The following PCDHA5 variants were observed in gnomAD, a reference collection of about 807,000 sequenced individuals.
PCDHA5 encodes protocadherin alpha 5.
Under a neutral mutation model 61.6 loss-of-function variants are expected in PCDHA5, and 43 were observed. The ratio of observed to expected loss-of-function variants is 0.70; its 90% CI spans 0.55 to 0.90. PCDHA5 has a LOEUF of 0.90. Ranked by LOEUF, PCDHA5 falls within the 40% of genes least tolerant of loss-of-function variation. PCDHA5 has a pLI of 0.00. For missense variants in PCDHA5, 1,298 were observed against 1,222.7 expected (o/e 1.06, Z -0.92); for synonymous variants, 627 against 543.9 (o/e 1.15, Z -2.13).
intron 1 of PCDHA5, among the ~76,000 whole-genome samples, chr5:140,904,227 C>T (rs1373458999): frequency 5.9e-5 from 9 of 151,978 alleles, no homozygotes; most frequent in African/African-American, 2.2e-4. Context: ...TTGTATTATA[C>T]TTATGCCTTT....
At chr5:140,934,511 T>C (rs999288213) in intron 1 of PCDHA5, among the ~76,000 whole-genome samples, 1 of 152,210 alleles carries the variant, frequency 6.6e-6, no homozygotes, top group East Asian at 1.9e-4. Context: ...AAAGGGTCCA[T>C]AGACCACACT....
rs2150339542 is a variant in PCDHA5 at position 140,842,572 on chromosome 5, A to T, written c.2352+18445A>T. 7.8e-6 allele frequency: 12 copies of T among 1,538,104 alleles called. 2 individuals carry two copies. In the South Asian group the frequency reaches 8.0e-5, roughly 10 times the overall value. On this transcript the variant is annotated intron_variant, in intron 1 of 3. Transcript: ENST00000529859. Reference sequence around the variant, plus strand: ...TGGACAGCGCCCTGGACCGCGAGAGAGTGTCGGCCTATGAGTTGGTGGTAA... The same window carrying T: ...TGGACAGCGCCCTGGACCGCGAGAGTGTGTCGGCCTATGAGTTGGTGGTAA...
chr5:141,005,255 CACTGGTGATACATTGGTGAAT>C (rs1319250318), intron 3 of PCDHA5, among the ~76,000 whole-genome samples: 1 of 152,182 alleles, frequency 6.6e-6, no homozygotes, highest in African/African-American at 2.4e-5. Context: ...TTGTGCTAGG[CACTGGTGATACATTGGTGAAT>C]AAACAGATAC....
intron 1 of PCDHA5, among the ~76,000 whole-genome samples, chr5:140,975,638 C>T (rs1256768090): frequency 6.6e-6 from 1 of 152,130 alleles, no homozygotes; most frequent in Non-Finnish European, 1.5e-5. Context: ...ACGAAGATAG[C>T]ATATTATTTC....
intron 1 of PCDHA5, chr5:140,871,625 ATGTC>A (rs1304722830): frequency 2.1e-6 from 3 of 1,403,018 alleles, no homozygotes; most frequent in Non-Finnish European, 2.8e-6. Context: ...TTAGATAACA[ATGTC>A]TGTTCATAAA....
intron 1 of PCDHA5, among the ~76,000 whole-genome samples, chr5:140,840,016 A>G (rs1410068719): frequency 2.6e-5 from 4 of 152,124 alleles, no homozygotes; most frequent in African/African-American, 7.2e-5. Context: ...AGATTGGCTC[A>G]TGGTCACGTA....
At chr5:140,827,941 C>T in intron 1 of PCDHA5, 1 of 1,174,956 alleles carries the variant, frequency 8.5e-7, no homozygotes, top group Admixed American at 2.3e-5. Flanking sequence ...TATAGCTAGC[C>T]AACATTCAAA....
chr5:140,935,957 A>G (rs1427987096), intron 1 of PCDHA5, among the ~76,000 whole-genome samples: 5 of 150,604 alleles, frequency 3.3e-5, no homozygotes, highest in African/African-American at 1.2e-4. Context: ...AAGTGGTACA[A>G]TCTTGGCTCA....
intron 1 of PCDHA5, chr5:140,876,047 C>T (rs1305657261): frequency 5.0e-6 from 8 of 1,613,744 alleles, no homozygotes; most frequent in Non-Finnish European, 6.8e-6. Context: ...AGTATATTGC[C>T]TGAATTAGTT....
chr5:140,839,283 C>A (rs1309701563), intron 1 of PCDHA5, among the ~76,000 whole-genome samples: 1 of 151,960 alleles, frequency 6.6e-6, no homozygotes, highest in Non-Finnish European at 1.5e-5. Context: ...ACCTTCCTAG[C>A]ATATTATTAA....
intron 1 of PCDHA5, among the ~76,000 whole-genome samples, chr5:140,839,736 C>T (rs1046330688): frequency 6.6e-6 from 1 of 151,778 alleles, no homozygotes; most frequent in African/African-American, 2.4e-5. Context: ...CAGAAAATAC[C>T]CTTATTTGCC....
chr5:140,942,023 A>G (rs1391051051), intron 1 of PCDHA5, among the ~76,000 whole-genome samples: 2 of 152,208 alleles, frequency 1.3e-5, no homozygotes, highest in African/African-American at 4.8e-5. Context: ...TTGGGAAAAA[A>G]TAATTCATAA....
chr5:140,926,959 G>C (rs781794027), intron 1 of PCDHA5: 23 of 1,603,904 alleles, frequency 1.4e-5, no homozygotes, highest in Non-Finnish European at 1.9e-5. Context: ...GGGACAGCTC[G>C]AGTACTCAGT....
intron 1 of PCDHA5, among the ~76,000 whole-genome samples, chr5:140,943,004 C>T (rs1248261862): frequency 6.6e-6 from 1 of 151,842 alleles, no homozygotes; most frequent in East Asian, 1.9e-4. Context: ...TGCCTGTAAT[C>T]CCAGCACTTT....
At chr5:140,874,647 G>T (rs2055047919) in intron 1 of PCDHA5, among the ~76,000 whole-genome samples, 1 of 152,200 alleles carries the variant, frequency 6.6e-6, no homozygotes, top group Non-Finnish European at 1.5e-5. Context: ...ACTTTTGCTA[G>T]AGTAAAACTT....
chr5:140,871,327 C>G (rs782093100), intron 1 of PCDHA5: 12 of 1,614,102 alleles, frequency 7.4e-6, no homozygotes, highest in Admixed American at 1.7e-5. Context: ...GGTGTGCTCC[C>G]GCGCGGTGGG....
chr5:140,853,378 T>G, intron 1 of PCDHA5: 1 of 985,390 alleles, frequency 1.0e-6, no homozygotes, highest in Non-Finnish European at 1.2e-6. Context: ...ATGGTAAAAT[T>G]CAAAACAGCC....
intron 1 of PCDHA5, among the ~76,000 whole-genome samples, chr5:140,886,387 T>C (rs1245808319): frequency 2.6e-5 from 4 of 152,234 alleles, no homozygotes; most frequent in African/African-American, 9.6e-5. Flanking sequence ...GCTTATCTAT[T>C]ATCTGCATCA....
intron 1 of PCDHA5, among the ~76,000 whole-genome samples, chr5:140,963,902 A>G (rs1227304928): frequency 6.6e-6 from 1 of 152,218 alleles, no homozygotes; most frequent in Non-Finnish European, 1.5e-5. Flanking sequence ...AAATGAGTAA[A>G]GTGAAGCTTA....
Sources: allele counts gnomAD v4.1 joint callset (sites outside exome capture counted in the v4.1 genomes callset), GRCh38; gene constraint gnomAD v4.1.1; transcripts MANE v1.5; gene names NCBI Gene and HGNC (gene_info 2026-07-23, HGNC 2026-07-21).